LTBP1: variants seen among roughly 807,000 people sequenced by gnomAD.
LTBP1 encodes latent-transforming growth factor beta-binding protein 1.
LTBP1 carries 129 observed loss-of-function variants against 207.6 expected under a neutral mutation model. The observed-to-expected ratio is 0.62, with a 90% CI of 0.54 to 0.72. The LOEUF is 0.72. Ranked by LOEUF, LTBP1 falls within the 30% of genes least tolerant of loss-of-function variation. The pLI is 0.00. For missense variants in LTBP1, 2,281 were observed against 2,217.2 expected (o/e 1.03, Z -0.58); for synonymous variants, 963 against 833.7 (o/e 1.16, Z -2.67).
intron 3 of LTBP1, among the ~76,000 whole-genome samples, chr2:33,095,102 A>G (rs2079316431): frequency 6.6e-6 from 1 of 152,224 alleles, no homozygotes; most frequent in South Asian, 2.1e-4. Context: ...AAAGCAAGAA[A>G]ATATATATCA....
At chr2:33,275,185 A>G (rs1473455835) in intron 17 of LTBP1, 95 bp downstream of exon 17, 5 of 1,431,162 alleles carry the variant, frequency 3.5e-6, no homozygotes, top group Non-Finnish European at 3.8e-6. Flanking sequence ...CAGACAACCC[A>G]GAATTTTTTA....
chr2:33,286,691 C>G lies in LTBP1; in HGVS notation c.3113-6469C>G, dbSNP rs566712684. On this transcript the variant is annotated intron_variant, in intron 19 of 33. Coordinates refer to ENST00000404816, the MANE Select transcript of LTBP1 (RefSeq NM_206943.4). ...TAAAAACACCCACCCAAATGTCCAA[C>G]AATGATAGACTGGATTAAGAAAACG... Among the ~76,000 whole-genome samples the G allele has an allele frequency of 4.6e-5, 7 of 152,250 alleles. 1 individual carries two copies. Among genetic ancestry groups the G allele is most frequent in the African/African-American group, 1.7e-4 (7 of 41,536 alleles).
intron 3 of LTBP1, among the ~76,000 whole-genome samples, chr2:33,028,300 G>A (rs547154564): frequency 1.2e-4 from 19 of 152,302 alleles, no homozygotes; most frequent in African/African-American, 4.6e-4. Flanking sequence ...AATAATAATA[G>A]TTAATATGAC....
At chr2:33,295,678 G>A (rs1311071807) in intron 20 of LTBP1, among the ~76,000 whole-genome samples, 1 of 152,026 alleles carries the variant, frequency 6.6e-6, no homozygotes, top group African/African-American at 2.4e-5. Flanking sequence ...CAAATCTGTG[G>A]ATTTTTTTCT....
intron 2 of LTBP1, among the ~76,000 whole-genome samples, chr2:32,971,617 C>G (rs533733223): frequency 6.6e-6 from 1 of 152,206 alleles, no homozygotes; most frequent in South Asian, 2.1e-4. Flanking sequence ...GAATGTAAGA[C>G]CAGCCTTACA....
At chr2:32,995,850 C>CAT (rs762486334) in intron 2 of LTBP1, among the ~76,000 whole-genome samples, 4 of 152,128 alleles carry the variant, frequency 2.6e-5, no homozygotes, top group Non-Finnish European at 1.5e-5. Context: ...AAGAACATTA[C>CAT]ATACATTATC....
chr2:33,273,621 T>C (rs1196919718), intron 15 of LTBP1, 35 bp from the exon 16 acceptor site: 2 of 1,553,796 alleles, frequency 1.3e-6, no homozygotes, highest in South Asian at 2.4e-5. Context: ...TTCATTTCTG[T>C]GGGTTTTTTC....
At chr2:33,142,955 A>G (rs2082749569) in intron 5 of LTBP1, among the ~76,000 whole-genome samples, 1 of 152,156 alleles carries the variant, frequency 6.6e-6, no homozygotes, top group South Asian at 2.1e-4. Flanking sequence ...TGATCTTTGG[A>G]AAAGTCTAAA....
intron 7 of LTBP1, among the ~76,000 whole-genome samples, chr2:33,191,294 C>G (rs1357444286): frequency 2.6e-5 from 4 of 152,258 alleles, no homozygotes; most frequent in African/African-American, 4.8e-5. Flanking sequence ...AATGAATTGG[C>G]TAATTGATGG....
At chr2:33,372,324 G>A (rs2095079003) in intron 31 of LTBP1, among the ~76,000 whole-genome samples, 1 of 152,144 alleles carries the variant, frequency 6.6e-6, no homozygotes, top group Non-Finnish European at 1.5e-5. Context: ...TTAAAGCTGA[G>A]ATTTTAAAAT....
At chr2:33,007,599 T>C (rs1210219440) in intron 2 of LTBP1, among the ~76,000 whole-genome samples, 1 of 152,226 alleles carries the variant, frequency 6.6e-6, no homozygotes, top group African/African-American at 2.4e-5. Flanking sequence ...AAGAACAAAA[T>C]GGTAGCATAT....
At chr2:32,961,667 C>T (rs1027243204) in intron 2 of LTBP1, among the ~76,000 whole-genome samples, 7 of 152,168 alleles carry the variant, frequency 4.6e-5, no homozygotes, top group Non-Finnish European at 1.0e-4. Context: ...CAAAAGGGGC[C>T]GGGTGTGGTG....
chr2:33,266,586 A>G (rs1054421369), intron 15 of LTBP1, among the ~76,000 whole-genome samples: 1 of 152,082 alleles, frequency 6.6e-6, no homozygotes, highest in South Asian at 2.1e-4. Context: ...CCATGGACCA[A>G]TCAGCACACA....
chr2:33,327,283 T>G (rs2094439968), intron 24 of LTBP1, among the ~76,000 whole-genome samples: 1 of 152,216 alleles, frequency 6.6e-6, no homozygotes, highest in Non-Finnish European at 1.5e-5. Context: ...CTATCATTTT[T>G]TAAAACATTC....
chr2:33,051,871 A>T (rs1558566803), intron 3 of LTBP1, among the ~76,000 whole-genome samples: 1 of 152,340 alleles, frequency 6.6e-6, no homozygotes. Context: ...GAAATGTAGA[A>T]CCCAAAGACA....
At chr2:33,098,501 C>T (rs1426809926) in intron 3 of LTBP1, among the ~76,000 whole-genome samples, 5 of 152,190 alleles carry the variant, frequency 3.3e-5, no homozygotes, top group East Asian at 1.9e-4. Context: ...GGTGCGATCT[C>T]GGCTCACTGC....
chr2:32,991,576 G>T (rs1276358618), intron 2 of LTBP1, among the ~76,000 whole-genome samples: 1 of 152,224 alleles, frequency 6.6e-6, no homozygotes, highest in African/African-American at 2.4e-5. Context: ...TCACAGTTGA[G>T]TGATACATTG....
chr2:33,319,133 C>A (rs2094316370), intron 24 of LTBP1, among the ~76,000 whole-genome samples: 1 of 152,188 alleles, frequency 6.6e-6, no homozygotes, highest in Non-Finnish European at 1.5e-5. Flanking sequence ...CACAGTGGTT[C>A]ACGCCTGTAA....
At chr2:33,152,368 A>G (rs1352219276) in intron 5 of LTBP1, among the ~76,000 whole-genome samples, 2 of 152,230 alleles carry the variant, frequency 1.3e-5, no homozygotes, top group African/African-American at 2.4e-5. Context: ...ACAGTGCGAT[A>G]CCACCTCACG....
Sources: allele counts gnomAD v4.1 joint callset (sites outside exome capture counted in the v4.1 genomes callset), GRCh38; gene constraint gnomAD v4.1.1; transcripts MANE v1.5; gene names NCBI Gene and HGNC (gene_info 2026-07-23, HGNC 2026-07-21).